Variants in TBXAS1 observed in about 807,000 individuals in gnomAD.
The protein encoded by TBXAS1 is thromboxane-A synthase.
A neutral mutation model predicts 60.7 loss-of-function variants in TBXAS1; 48 were observed. That is an observed-to-expected ratio of 0.79 (90% CI 0.63 to 1.01). TBXAS1 has a LOEUF of 1.01. Among genes scored for constraint, TBXAS1 ranks in the 50% least tolerant of loss-of-function variants. The pLI, the probability that TBXAS1 is intolerant of heterozygous loss-of-function variation, is 0.00. For missense variants in TBXAS1, 685 were observed against 686.3 expected (o/e 1.00, Z 0.02); for synonymous variants, 287 against 269.7 (o/e 1.06, Z -0.63).
At chr7:139,912,808 C>A (rs1361925043) in intron 4 of TBXAS1, among the ~76,000 whole-genome samples, 2 of 152,128 alleles carry the variant, frequency 1.3e-5, no homozygotes, top group Non-Finnish European at 2.9e-5. Flanking sequence ...CTTGTCATCG[C>A]AAGAGCTTAT....
intron 5 of TBXAS1, among the ~76,000 whole-genome samples, chr7:139,942,394 G>A (rs1269026937): frequency 1.1e-4 from 16 of 152,190 alleles, no homozygotes; most frequent in Non-Finnish European, 1.8e-4. Context: ...TAACTTCCTG[G>A]TTGGCTACTG....
At chr7:139,970,635 G>A (rs1257475585) in intron 9 of TBXAS1, among the ~76,000 whole-genome samples, 1 of 152,158 alleles carries the variant, frequency 6.6e-6, no homozygotes, top group Non-Finnish European at 1.5e-5. Context: ...TAATCATGAT[G>A]GCATTCACTT....
chr7:139,865,671 GGAGGAGGAAGAGGAGGAGGAGGAA>G (rs1801320484), intron 1 of TBXAS1, among the ~76,000 whole-genome samples: 3 of 100,906 alleles, frequency 3.0e-5, no homozygotes, highest in African/African-American at 7.2e-5. Context: ...AGGAAGAGGA[GGAGGAGGAAGAGGAGGAGGAGGAA>G]GAGGAGGAGG....
chr7:139,861,949 T>C (rs1801000137), intron 1 of TBXAS1, among the ~76,000 whole-genome samples: 1 of 152,218 alleles, frequency 6.6e-6, no homozygotes, highest in Admixed American at 6.5e-5. Context: ...GGTGGGGATG[T>C]ATAATCCTCC....
intron 9 of TBXAS1, among the ~76,000 whole-genome samples, chr7:139,966,707 G>C (rs1225727811): frequency 2.6e-5 from 4 of 152,206 alleles, no homozygotes; most frequent in African/African-American, 9.7e-5. Flanking sequence ...AATGATTTCT[G>C]GTCATTTTGG....
chr7:139,785,445 T>C lies in TBXAS1; in HGVS notation c.-168-1893T>C, dbSNP rs1462241615. On this transcript the variant is annotated intron_variant, in intron 3 of 16. Transcript: ENST00000336425. ...GTCCTTCAGCTCCAGCCATTGCAGG[T>C]CAACTGCCAGGACCCATTGTTTCGT... Among the ~76,000 whole-genome samples, 5 of 149,348 alleles carry C rather than the reference T, an allele frequency of 3.3e-5. No homozygotes were observed. In the Admixed American group the frequency reaches 3.4e-4, roughly 10 times the overall value.
At chr7:139,855,041 C>T (rs764235972) in intron 1 of TBXAS1, among the ~76,000 whole-genome samples, 9 of 151,978 alleles carry the variant, frequency 5.9e-5, no homozygotes, top group African/African-American at 9.7e-5. Flanking sequence ...ATTTAATCCC[C>T]GATGTGGTAG....
intron 1 of TBXAS1, among the ~76,000 whole-genome samples, chr7:139,843,239 C>G (rs1229536555): frequency 1.3e-5 from 2 of 152,170 alleles, no homozygotes; most frequent in Admixed American, 1.3e-4. Flanking sequence ...AGGTCTCCTC[C>G]ATCAGGCCAG....
intron 4 of TBXAS1, among the ~76,000 whole-genome samples, chr7:139,926,097 T>C (rs1806856361): frequency 6.7e-6 from 1 of 148,168 alleles, no homozygotes; most frequent in Non-Finnish European, 1.5e-5. Flanking sequence ...AGATTTTTTG[T>C]TTGTTTTGTT....
At chr7:139,986,815 A>G (rs1234259921) in intron 9 of TBXAS1, among the ~76,000 whole-genome samples, 219 of 114,908 alleles carry the variant, frequency 1.9e-3, no homozygotes, top group Non-Finnish European at 3.4e-3. Flanking sequence ...ATATATATAT[A>G]TACACCATAG....
At chr7:139,860,183 G>A (rs938807644) in intron 1 of TBXAS1, among the ~76,000 whole-genome samples, 1 of 152,136 alleles carries the variant, frequency 6.6e-6, no homozygotes, top group Non-Finnish European at 1.5e-5. Context: ...GGCTGTTTCA[G>A]TGGTAGGGCT....
chr7:139,897,304 C>T (rs75715428), intron 3 of TBXAS1, among the ~76,000 whole-genome samples: 1,793 of 109,784 alleles, frequency 0.016, 78 homozygotes, highest in Admixed American at 0.13. Flanking sequence ...GGGTTTCAGT[C>T]GGTATGATCA....
At chr7:139,976,400 T>G (rs913260951) in intron 9 of TBXAS1, among the ~76,000 whole-genome samples, 6 of 152,170 alleles carry the variant, frequency 3.9e-5, no homozygotes, top group Non-Finnish European at 8.8e-5. Context: ...GGAGACTGGA[T>G]CGGCCACCCT....
rs1394226805 is a variant in TBXAS1 at position 139,986,718 on chromosome 7, C to CCATCATATA, written c.1135-20372_1135-20364dup. On this transcript the variant is annotated intron_variant, in intron 9 of 12. Transcript: ENST00000448866. ...TTCCTTTTTATGGCTGAGTAGTATTCCATCATATATATATATATATACATA... is the reference window on the plus strand; with the variant it reads ...TTCCTTTTTATGGCTGAGTAGTATTCCATCATATACATCATATATATATATATATACATA... Among the ~76,000 whole-genome samples the CCATCATATA allele has an allele frequency of 1.8e-4, 21 of 119,742 alleles. No individual in the cohort carries two copies. In the Admixed American group the frequency reaches 2.1e-3, roughly 12 times the overall value. The allele number at this position is 119,742 out of a possible 152,430, so 78.6% of individuals were successfully genotyped here. A position where few individuals can be genotyped will look rare whatever the true frequency, so the allele number is the denominator to read the frequency against.
intron 4 of TBXAS1, among the ~76,000 whole-genome samples, chr7:139,805,713 TC>T (rs1457123131): frequency 5.1e-5 from 1 of 19,528 alleles, no homozygotes; most frequent in Admixed American, 5.2e-4. Context: ...TTTCTTTCTT[TC>T]TCTCTCTCTC....
chr7:139,929,785 G>A (rs1315429059), intron 4 of TBXAS1, among the ~76,000 whole-genome samples: 2 of 152,024 alleles, frequency 1.3e-5, no homozygotes, highest in African/African-American at 4.8e-5. Flanking sequence ...CATTTCTCCC[G>A]GTATCTGTGT....
At chr7:139,950,568 C>A (rs532996728) in intron 5 of TBXAS1, among the ~76,000 whole-genome samples, 1 of 152,266 alleles carries the variant, frequency 6.6e-6, no homozygotes, top group East Asian at 1.9e-4. Context: ...TTCAGCCGTC[C>A]ATAGCGCTGT....
chr7:139,960,619 G>C (rs908441784), intron 8 of TBXAS1, among the ~76,000 whole-genome samples: 10 of 151,810 alleles, frequency 6.6e-5, no homozygotes, highest in Non-Finnish European at 2.9e-5. Context: ...GGTGGCACAT[G>C]CCTATAGTCC....
intron 10 of TBXAS1, among the ~76,000 whole-genome samples, chr7:140,014,287 TG>T (rs1814846872): frequency 6.6e-6 from 1 of 152,104 alleles, no homozygotes; most frequent in Non-Finnish European, 1.5e-5. Context: ...CAAGCCTGTG[TG>T]GGAAACAGAA....
Sources: allele counts gnomAD v4.1 joint callset (sites outside exome capture counted in the v4.1 genomes callset), GRCh38; gene constraint gnomAD v4.1.1; transcripts MANE v1.5; gene names NCBI Gene and HGNC (gene_info 2026-07-23, HGNC 2026-07-21).